SLC8B1: variants seen among roughly 807,000 people sequenced by gnomAD.
SLC8B1 encodes mitochondrial sodium/calcium exchanger protein.
A neutral mutation model predicts 63.4 loss-of-function variants in SLC8B1; 52 were observed. That is an observed-to-expected ratio of 0.82 (90% CI 0.66 to 1.03). The LOEUF is 1.03. Among genes scored for constraint, SLC8B1 ranks in the 50% least tolerant of loss-of-function variants. SLC8B1 has a pLI of 0.00. For synonymous variants in SLC8B1, 336 were observed against 323.9 expected (o/e 1.04, Z -0.40); for missense variants, 657 against 741.7 (o/e 0.89, Z 1.33).
intron 14 of SLC8B1, 39 bp downstream of exon 14, chr12:113,306,456 A>G: frequency 6.5e-7 from 1 of 1,531,614 alleles, no homozygotes; most frequent in Non-Finnish European, 8.9e-7. Flanking sequence ...CACGGCTGTG[A>G]CACCAGTGCT....
At chr12:113,309,146 C>T (rs752008573) in intron 12 of SLC8B1, among the ~76,000 whole-genome samples, 25 of 152,112 alleles carry the variant, frequency 1.6e-4, no homozygotes, top group Middle Eastern at 6.8e-3. Flanking sequence ...TGAGCCACCA[C>T]GCCCAGCCAA....
intron 11 of SLC8B1, among the ~76,000 whole-genome samples, chr12:113,312,961 A>G (rs142929326): frequency 1.3e-5 from 2 of 151,790 alleles, no homozygotes; most frequent in African/African-American, 4.8e-5. Context: ...GCTGGAGTGC[A>G]GGGGTGCAAT....
intron 2 of SLC8B1, among the ~76,000 whole-genome samples, chr12:113,322,036 A>C (rs1956938792): frequency 6.6e-6 from 1 of 152,074 alleles, no homozygotes; most frequent in Non-Finnish European, 1.5e-5. Flanking sequence ...CTGCAAAAAA[A>C]TAAAATAAAA....
chr12:113,313,586 T>TA, intron 11 of SLC8B1, among the ~76,000 whole-genome samples: 1 of 151,906 alleles, frequency 6.6e-6, no homozygotes, highest in Non-Finnish European at 1.5e-5. Flanking sequence ...ACTAAAAATA[T>TA]AAAAATTGGC....
At chr12:113,311,500 G>A (rs1487650169) in intron 11 of SLC8B1, among the ~76,000 whole-genome samples, 6 of 151,676 alleles carry the variant, frequency 4.0e-5, no homozygotes, top group South Asian at 2.1e-4. Context: ...GGCACCTGTC[G>A]TCCCAGCTAC....
rs187393591 is a variant in SLC8B1, at chr12:113,310,205, C to G, written c.1257+29G>C. ...GTGGGAGACATCAGCATCCCTCCCC[C>G]CCCATCTCGGAGAACCCGGGCTTCT... On this transcript the variant is annotated intron_variant, in intron 12 of 15. Transcript: ENST00000680972. The G allele has an allele frequency of 6.8e-5, 110 of 1,608,546 alleles. 1 individual carries two copies. In the South Asian group the frequency reaches 7.6e-4, roughly 11 times the overall value.
intron 15 of SLC8B1, among the ~76,000 whole-genome samples, chr12:113,300,631 C>T (rs1232791993): frequency 6.6e-6 from 1 of 152,232 alleles, no homozygotes; most frequent in African/African-American, 2.4e-5. Flanking sequence ...TGAAGTTACC[C>T]AGACGTGGCC....
intron 11 of SLC8B1, among the ~76,000 whole-genome samples, chr12:113,310,605 C>A (rs1956744010): frequency 6.6e-6 from 1 of 152,220 alleles, no homozygotes; most frequent in East Asian, 1.9e-4. Flanking sequence ...GCTATAACCA[C>A]TAACACCACC....
intron 2 of SLC8B1, among the ~76,000 whole-genome samples, chr12:113,332,044 CTT>C (rs1490895866): frequency 6.6e-6 from 1 of 152,180 alleles, no homozygotes; most frequent in East Asian, 1.9e-4. Flanking sequence ...GCTCCAGAAT[CTT>C]TGTACTTGCT....
chr12:113,309,108 G>A (rs1458201046), intron 12 of SLC8B1, among the ~76,000 whole-genome samples: 1 of 152,088 alleles, frequency 6.6e-6, no homozygotes, highest in African/African-American at 2.4e-5. Context: ...ACCCGTCTCG[G>A]CCTCTCAAAG....
intron 11 of SLC8B1, among the ~76,000 whole-genome samples, chr12:113,310,608 A>C (rs1409007380): frequency 2.6e-5 from 4 of 152,098 alleles, no homozygotes; most frequent in South Asian, 4.1e-4. Context: ...ATAACCACTA[A>C]CACCACCACC....
chr12:113,301,238 G>A (rs967973524), intron 15 of SLC8B1, among the ~76,000 whole-genome samples: 1 of 151,938 alleles, frequency 6.6e-6, no homozygotes, highest in Admixed American at 6.6e-5. Flanking sequence ...AAACAGTAGA[G>A]TCTGGGTGGT....
chr12:113,306,581 C>T lies in SLC8B1; in HGVS notation c.1412-6G>A, dbSNP rs1956678921. The T allele has an allele frequency of 1.9e-6, 3 of 1,613,822 alleles. No individual in the cohort carries two copies. Among genetic ancestry groups the T allele is most frequent in the South Asian group, 1.1e-5 (1 of 91,082 alleles). ...TGTGAAATCCGAGAAGGCATCTGCACAGGAACAAGAGGGGCCTGCAGTGGT... is the reference window on the plus strand; with the variant it reads ...TGTGAAATCCGAGAAGGCATCTGCATAGGAACAAGAGGGGCCTGCAGTGGT... On this transcript the variant is annotated splice_polypyrimidine_tract_variant and splice_region_variant and intron_variant, in intron 13 of 15. Coordinates refer to ENST00000680972, the MANE Select transcript of SLC8B1 (RefSeq NM_001358345.2).
chr12:113,321,345 G>A lies in SLC8B1; in HGVS notation c.160C>T (p.Arg54Cys), dbSNP rs770026994. The change falls in exon 3 of 16, where the codon CGC becomes TGC. Residue 54 changes from arginine (R) to cysteine (C), a missense_variant. Transcript: ENST00000680972. ...GVNQTPVVDC[R>C]KVCGLNVSDR... is the part of the protein sequence containing the mutation. ...GAGACATTCAGGCCACACACCTTGCGGCACTGCAGGAAGACAGGGAGGGGG... is the reference window on the plus strand; with the variant it reads ...GAGACATTCAGGCCACACACCTTGCAGCACTGCAGGAAGACAGGGAGGGGG... 73 of 1,613,998 alleles carry A rather than the reference G, an allele frequency of 4.5e-5. No homozygotes were observed. The highest frequency in any genetic ancestry group is 5.4e-5 in the Non-Finnish European group (64 of 1,180,036).
intron 7 of SLC8B1, among the ~76,000 whole-genome samples, chr12:113,319,693 T>C (rs1325663106): frequency 1.3e-5 from 2 of 152,174 alleles, no homozygotes; most frequent in African/African-American, 4.8e-5. Context: ...CCTCCATTCA[T>C]ACCCCTTGAG....
intron 8 of SLC8B1, among the ~76,000 whole-genome samples, chr12:113,318,448 TGTG>T (rs1334958830): frequency 7.2e-5 from 10 of 138,786 alleles, no homozygotes; most frequent in Admixed American, 4.2e-4. Context: ...CGTATGTGTA[TGTG>T]TTGTATGTGT....
At chr12:113,329,143 C>T (rs1408559975) in intron 2 of SLC8B1, among the ~76,000 whole-genome samples, 2 of 152,154 alleles carry the variant, frequency 1.3e-5, no homozygotes, top group South Asian at 2.1e-4. Context: ...TGCTGCACAC[C>T]GTGCTGGGCA....
Position 113,314,818 on chromosome 12 carries a change from G to A in SLC8B1, c.1135+517C>T, listed in dbSNP as rs74916211. ...CTAGAGGGCTGGATTTGGCCCTGGG[G>A]TCACCTGTTTTGCAGCCTCCATCTG... On this transcript the variant is annotated intron_variant, in intron 11 of 15. Coordinates refer to ENST00000680972, the MANE Select transcript of SLC8B1 (RefSeq NM_001358345.2). Among the ~76,000 whole-genome samples, 1,345 of 152,332 alleles carry A rather than the reference G, an allele frequency of 8.8e-3. 14 individuals are homozygous for A. The highest frequency in any genetic ancestry group is 0.02 in the South Asian group (96 of 4,830).
Position 113,299,845 on chromosome 12 carries a change from AGAG to A in SLC8B1, c.1684_1686del (p.Leu562del), listed in dbSNP as rs771880330. ...GCCACGACAAGGAAGTTCAGGTAGAAGAGGAGCAGGCAGAAGCCATAGACTCTG... is the reference window on the plus strand; with the variant it reads ...GCCACGACAAGGAAGTTCAGGTAGAAGAGCAGGCAGAAGCCATAGACTCTG... On this transcript the variant is annotated inframe_deletion, in exon 16 of 16. Transcript: ENST00000680972. 1 of 1,614,130 alleles carries A rather than the reference AGAG, an allele frequency of 6.2e-7. No individual in the cohort carries two copies. The highest frequency in any genetic ancestry group is 8.5e-7 in the Non-Finnish European group (1 of 1,180,052).
Sources: allele counts gnomAD v4.1 joint callset (sites outside exome capture counted in the v4.1 genomes callset), GRCh38; gene constraint gnomAD v4.1.1; transcripts MANE v1.5; gene names NCBI Gene and HGNC (gene_info 2026-07-23, HGNC 2026-07-21).